The following DENND1A variants were observed in gnomAD, a reference collection of about 807,000 sequenced individuals.
The protein encoded by DENND1A is DENN domain containing 1A, also known as DENN domain-containing protein 1A.
In DENND1A, 51 loss-of-function variants were observed where a neutral mutation model predicts 113.7. The observed-to-expected ratio is 0.45, with a 90% confidence interval of 0.36 to 0.57. The LOEUF (loss-of-function observed/expected upper bound fraction) is 0.57. Ranked by LOEUF, DENND1A falls within the 20% of genes least tolerant of loss-of-function variation. The pLI, the probability that DENND1A is intolerant of heterozygous loss-of-function variation, is 0.00. For missense variants in DENND1A, 1,258 were observed against 1,395.9 expected (o/e 0.90, Z 1.57); for synonymous variants, 565 against 570.8 (o/e 0.99, Z 0.14).
At chr9:123,431,511 T>C (rs1051259720) in intron 19 of DENND1A, among the ~76,000 whole-genome samples, 3 of 152,212 alleles carry the variant, frequency 2.0e-5, no homozygotes, top group African/African-American at 7.2e-5. Flanking sequence ...TGCCATGTTC[T>C]CAGCACAGAG....
chr9:123,862,280 G>A (rs370844512), intron 2 of DENND1A, among the ~76,000 whole-genome samples: 4 of 152,220 alleles, frequency 2.6e-5, no homozygotes, highest in African/African-American at 9.6e-5. Flanking sequence ...TTTGTAAGGT[G>A]AGGATCTCAC....
In DENND1A at chr9:123,842,814, A is replaced by C. The variant is rs190669197; in HGVS notation, c.88+36137T>G. 4.3e-4 allele frequency among the ~76,000 whole-genome samples: 66 copies of C among 152,342 alleles called. No homozygotes were observed. In the East Asian group the frequency reaches 0.012, roughly 27 times the overall value. On this transcript the variant is annotated intron_variant, in intron 2 of 23. Coordinates refer to ENST00000394215, the MANE Select transcript of DENND1A (RefSeq NM_001352964.2). ...GATACCAAAAGCAAACAAATATAAG[A>C]AAACTAAAAATGCAAAAATACTCAA...
chr9:123,812,049 C>T (rs1288742741), intron 2 of DENND1A, among the ~76,000 whole-genome samples: 1 of 152,104 alleles, frequency 6.6e-6, no homozygotes. Context: ...AGCTAAAGCA[C>T]CACCTTCCAC....
intron 11 of DENND1A, among the ~76,000 whole-genome samples, chr9:123,607,426 A>G (rs1302263741): frequency 6.9e-6 from 1 of 145,642 alleles, no homozygotes; most frequent in Non-Finnish European, 1.5e-5. Context: ...ATTCACAGGG[A>G]CCAGGAACAG....
chr9:123,526,303 T>C (rs2135205888), intron 13 of DENND1A, among the ~76,000 whole-genome samples: 1 of 152,338 alleles, frequency 6.6e-6, no homozygotes, highest in Non-Finnish European at 1.5e-5. Context: ...CAAGAGAGCC[T>C]GCATTCTCAG....
intron 18 of DENND1A, among the ~76,000 whole-genome samples, chr9:123,444,522 C>T (rs374436748): frequency 2.0e-5 from 3 of 152,002 alleles, no homozygotes; most frequent in East Asian, 1.9e-4. Context: ...GGCATGGTGG[C>T]GGACGCCTGT....
intron 12 of DENND1A, among the ~76,000 whole-genome samples, chr9:123,568,162 T>C (rs562472267): frequency 1.7e-4 from 26 of 152,352 alleles, no homozygotes; most frequent in African/African-American, 5.0e-4. Flanking sequence ...TATATTCTAG[T>C]GACCTCTAGG....
At chr9:123,785,877 C>A (rs1293217941) in intron 3 of DENND1A, among the ~76,000 whole-genome samples, 1 of 152,082 alleles carries the variant, frequency 6.6e-6, no homozygotes, top group Non-Finnish European at 1.5e-5. Flanking sequence ...GCCTTTTGGG[C>A]AAGAGGTTGA....
chr9:123,467,916 ACACCCTGAG>A lies in DENND1A; in HGVS notation c.994-10028_994-10020del, dbSNP rs549119231. Among the ~76,000 whole-genome samples the A allele has an allele frequency of 4.8e-4, 73 of 152,164 alleles. No homozygotes were observed. The East Asian group carries it at 0.012, about 26-fold the overall frequency. On this transcript the variant is annotated intron_variant, in intron 13 of 23. Transcript: ENST00000394215. ...CTGCAGAGGTTCTGGGCTGTCCACC[ACACCCTGAG>A]CATTTTGTGCACTCTCACTCCTGGC...
At chr9:123,445,300 G>C (rs570511932) in intron 18 of DENND1A, among the ~76,000 whole-genome samples, 10 of 152,340 alleles carry the variant, frequency 6.6e-5, no homozygotes, top group Admixed American at 5.9e-4. Context: ...AAAGAGTAGA[G>C]CCCCAGGCCC....
intron 2 of DENND1A, chr9:123,798,489 T>C (rs1241964398): frequency 6.6e-6 from 1 of 152,196 alleles, no homozygotes; most frequent in African/African-American, 2.4e-5. Context: ...TCCATTGACA[T>C]TATACAGTAA....
intron 5 of DENND1A, among the ~76,000 whole-genome samples, chr9:123,679,319 C>T (rs1000647650): frequency 2.6e-5 from 4 of 152,292 alleles, no homozygotes; most frequent in African/African-American, 9.6e-5. Flanking sequence ...CAAGTTGTCA[C>T]CTGCTGTGAG....
chr9:123,480,225 C>G (rs561712032), intron 13 of DENND1A, among the ~76,000 whole-genome samples: 2 of 152,304 alleles, frequency 1.3e-5, no homozygotes, highest in South Asian at 4.1e-4. Flanking sequence ...CTTCCAGACT[C>G]TCTCCACCCA....
chr9:123,674,376 A>T (rs1282067710), intron 6 of DENND1A, among the ~76,000 whole-genome samples: 1 of 145,588 alleles, frequency 6.9e-6, no homozygotes, highest in African/African-American at 2.8e-5. Flanking sequence ...ACACACACAC[A>T]CACACACACA....
At chr9:123,903,927 A>G (rs1271606996) in intron 1 of DENND1A, among the ~76,000 whole-genome samples, 1 of 152,146 alleles carries the variant, frequency 6.6e-6, no homozygotes, top group East Asian at 1.9e-4. Context: ...AAGGGCACAG[A>G]CAAACAAAAA....
chr9:123,892,744 T>C (rs746065043), intron 1 of DENND1A, among the ~76,000 whole-genome samples: 2 of 152,156 alleles, frequency 1.3e-5, no homozygotes, highest in African/African-American at 2.4e-5. Context: ...CACTTTGAGA[T>C]GCCAAGGCAG....
chr9:123,534,391 C>A (rs1358683919), intron 13 of DENND1A, among the ~76,000 whole-genome samples: 1 of 152,208 alleles, frequency 6.6e-6, no homozygotes, highest in East Asian at 1.9e-4. Flanking sequence ...CTTAAAGTAA[C>A]TAGTTTTCAT....
chr9:123,401,767 G>T (rs982279550), intron 21 of DENND1A: 6 of 1,613,302 alleles, frequency 3.7e-6, no homozygotes, highest in East Asian at 4.5e-5. Flanking sequence ...CACACACTGC[G>T]AAGTCAGCCC....
chr9:123,412,641 C>T (rs1378891583), intron 19 of DENND1A, among the ~76,000 whole-genome samples: 1 of 152,228 alleles, frequency 6.6e-6, no homozygotes, highest in African/African-American at 2.4e-5. Flanking sequence ...TCTCAGCTCT[C>T]CCCTCAAACC....
Sources: gnomAD v4.1 joint callset for allele counts (sites outside exome capture counted in the v4.1 genomes callset) on GRCh38, gnomAD v4.1.1 for gene constraint, MANE v1.5 for transcripts, NCBI Gene and HGNC (gene_info 2026-07-23, HGNC 2026-07-21) for gene names.